The following DSCAML1 variants were observed in gnomAD, a reference collection of about 807,000 sequenced individuals.
DSCAML1 encodes DS cell adhesion molecule like 1, also known as cell adhesion molecule DSCAML1.
A neutral mutation model predicts 200.5 loss-of-function variants in DSCAML1; 38 were observed. The observed-to-expected ratio is 0.19, with a 90% CI of 0.15 to 0.25. The LOEUF (loss-of-function observed/expected upper bound fraction) is 0.25, where lower values mean the gene tolerates loss of function less well. Ranked by LOEUF, DSCAML1 falls within the 10% of genes least tolerant of loss-of-function variation. The pLI is 1.00. For missense variants in DSCAML1, 2,223 were observed against 2,858.8 expected, an observed-to-expected ratio of 0.78 and a Z score of 5.07; for synonymous variants, 1,215 against 1,165.0, an observed-to-expected ratio of 1.04 and a Z score of -0.87.
At chr11:117,615,540 C>T (rs1331789592) in intron 3 of DSCAML1, among the ~76,000 whole-genome samples, 1 of 152,008 alleles carries the variant, frequency 6.6e-6, no homozygotes, top group Non-Finnish European at 1.5e-5. Context: ...GCCTGTTGGT[C>T]TTCAGGGGCA....
chr11:117,619,316 GGGGCACCCGAT>G (rs2051877870), intron 3 of DSCAML1, among the ~76,000 whole-genome samples: 1 of 152,318 alleles, frequency 6.6e-6, no homozygotes, highest in Admixed American at 6.5e-5. Flanking sequence ...CTATTGGCCT[GGGGCACCCGAT>G]GGGCACCCAA....
At chr11:117,442,482 C>T (rs79838650) in intron 21 of DSCAML1, among the ~76,000 whole-genome samples, 16 of 150,104 alleles carry the variant, frequency 1.1e-4, no homozygotes, top group East Asian at 3.9e-4. Flanking sequence ...TGTGTTTGTG[C>T]GTGTGCACAT....
chr11:117,564,794 C>G (rs1394785903), intron 3 of DSCAML1, among the ~76,000 whole-genome samples: 1 of 150,548 alleles, frequency 6.6e-6, no homozygotes, highest in Non-Finnish European at 1.5e-5. Flanking sequence ...TTGATGGAGT[C>G]TCGCTCTGTC....
chr11:117,777,326 A>G (rs2055144652), intron 2 of DSCAML1, among the ~76,000 whole-genome samples: 1 of 152,242 alleles, frequency 6.6e-6, no homozygotes, highest in Non-Finnish European at 1.5e-5. Flanking sequence ...GCAGGTAATA[A>G]GGAAATATGC....
chr11:117,505,416 G>T lies in DSCAML1; in HGVS notation c.2062+38C>A. On this transcript the variant is annotated intron_variant, in intron 9 of 32. Transcript: ENST00000651296. This position sits in a 1 kb window ranked among gnomAD's most constrained non-coding sequence, Gnocchi z 6.7. ...ACTGCAGTAGCAGCAGGCAGAATGG[G>T]CTCCTCCCTCCCCTGAGGCTGGCCT... 6.3e-7 allele frequency: 1 copy of T among 1,592,402 alleles called. No homozygotes were observed. The highest frequency in any genetic ancestry group is 1.1e-5 in the South Asian group (1 of 90,534).
At chr11:117,815,108 C>T (rs1189564336) in intron 1 of DSCAML1, among the ~76,000 whole-genome samples, 1 of 152,180 alleles carries the variant, frequency 6.6e-6, no homozygotes, top group African/African-American at 2.4e-5. Flanking sequence ...ACTTGCTGGG[C>T]GCCTCTGTGT....
chr11:117,432,598 G>T, intron 29 of DSCAML1, 94 bp from the exon 30 acceptor site: 2 of 1,391,558 alleles, frequency 1.4e-6, no homozygotes, highest in Non-Finnish European at 2.0e-6. Flanking sequence ...TTTATCCAAT[G>T]TGTTTTTTGT....
chr11:117,442,208 T>G (rs983916027), intron 21 of DSCAML1, among the ~76,000 whole-genome samples: 2 of 147,184 alleles, frequency 1.4e-5, no homozygotes, highest in African/African-American at 5.0e-5. Context: ...CATGTGTGCA[T>G]GTATTAGTGT....
intron 3 of DSCAML1, among the ~76,000 whole-genome samples, chr11:117,651,876 G>C (rs2052640118): frequency 6.6e-6 from 1 of 152,174 alleles, no homozygotes; most frequent in Admixed American, 6.5e-5. Flanking sequence ...GCAGAAATAG[G>C]TTCAGGGAAA....
intron 1 of DSCAML1, among the ~76,000 whole-genome samples, chr11:117,789,475 G>A (rs1418353524): frequency 6.6e-6 from 1 of 152,142 alleles, no homozygotes; most frequent in Non-Finnish European, 1.5e-5. Flanking sequence ...TAGAGAGGTG[G>A]AGTCATCTAC....
intron 3 of DSCAML1, among the ~76,000 whole-genome samples, chr11:117,606,704 C>A (rs2051573532): frequency 6.6e-6 from 1 of 152,370 alleles, no homozygotes; most frequent in East Asian, 1.9e-4. Context: ...GCCCCCACTT[C>A]TCTCTTGGGC....
At chr11:117,723,278 C>T (rs144607007) in intron 3 of DSCAML1, among the ~76,000 whole-genome samples, 50 of 152,270 alleles carry the variant, frequency 3.3e-4, no homozygotes, top group African/African-American at 1.2e-3. Flanking sequence ...ACTGATAACA[C>T]ATTTTGGAAA....
intron 3 of DSCAML1, among the ~76,000 whole-genome samples, chr11:117,673,538 C>G (rs1245194786): frequency 6.6e-6 from 1 of 152,220 alleles, no homozygotes; most frequent in Non-Finnish European, 1.5e-5. Context: ...TCCTCTGCCC[C>G]CCACCAAACT....
intron 3 of DSCAML1, among the ~76,000 whole-genome samples, chr11:117,740,522 T>C (rs1465403415): frequency 6.6e-6 from 1 of 152,162 alleles, no homozygotes; most frequent in Non-Finnish European, 1.5e-5. Flanking sequence ...TCTTCATCTT[T>C]AGGGCTTACA....
At chr11:117,592,758 AG>A (rs964706236) in intron 3 of DSCAML1, among the ~76,000 whole-genome samples, 7 of 152,248 alleles carry the variant, frequency 4.6e-5, no homozygotes, top group Non-Finnish European at 8.8e-5. Context: ...TGAGGCATAC[AG>A]AGGTGATTCC....
intron 3 of DSCAML1, among the ~76,000 whole-genome samples, chr11:117,587,531 C>A (rs1400303282): frequency 6.6e-6 from 1 of 152,120 alleles, no homozygotes; most frequent in African/African-American, 2.4e-5. Flanking sequence ...CTCTAGGGAG[C>A]CCAAGACTCC....
At chr11:117,636,700 C>T (rs374896340) in intron 3 of DSCAML1, among the ~76,000 whole-genome samples, 2 of 152,186 alleles carry the variant, frequency 1.3e-5, no homozygotes, top group East Asian at 3.8e-4. Context: ...GCTTAAAACT[C>T]AGTTTCACCA....
intron 11 of DSCAML1, among the ~76,000 whole-genome samples, chr11:117,497,997 G>A (rs535244841): frequency 1.3e-5 from 2 of 152,376 alleles, no homozygotes; most frequent in Admixed American, 1.3e-4. Context: ...TGACCTGTGA[G>A]CCCGGATGGG....
intron 3 of DSCAML1, among the ~76,000 whole-genome samples, chr11:117,759,461 T>A (rs957692532): frequency 5.3e-5 from 8 of 152,174 alleles, no homozygotes; most frequent in African/African-American, 1.9e-4. Flanking sequence ...GGGGGCCTCG[T>A]CCCCAGGGCT....
Sources: gnomAD v4.1 joint callset for allele counts (sites outside exome capture counted in the v4.1 genomes callset) on GRCh38, gnomAD v4.1.1 for gene constraint, Gnocchi (gnomAD v3.1) non-coding constraint, MANE v1.5 for transcripts, NCBI Gene and HGNC (gene_info 2026-07-23, HGNC 2026-07-21) for gene names.